Variants in RPL4 observed in about 807,000 individuals in gnomAD.
RPL4 encodes the protein ribosomal protein L4.
Under a neutral mutation model 47.7 loss-of-function variants are expected in RPL4, and 3 were observed. That is an observed-to-expected ratio of 0.06 (90% CI 0.03 to 0.16). RPL4 has a LOEUF of 0.16. Ranked by LOEUF, RPL4 falls within the 10% of genes least tolerant of loss-of-function variation. RPL4 has a pLI of 1.00. For synonymous variants in RPL4, 208 were observed against 182.1 expected (o/e 1.14, Z -1.15); for missense variants, 413 against 551.3 (o/e 0.75, Z 2.51).
Position 66,501,513 on chromosome 15 carries a change from T to C in RPL4, c.547-9A>G. ...CGCTGAGAGGCATAGACCTACAAAGTGAGCAGTTTTAGTATTCTGATTAAG... is the reference window on the plus strand; with the variant it reads ...CGCTGAGAGGCATAGACCTACAAAGCGAGCAGTTTTAGTATTCTGATTAAG... On this transcript the variant is annotated splice_polypyrimidine_tract_variant and intron_variant, in intron 5 of 9. Transcript: ENST00000307961. 1 of 1,613,896 alleles carries C rather than the reference T, an allele frequency of 6.2e-7. No homozygotes were observed. Among genetic ancestry groups the C allele is most frequent in the Non-Finnish European group, 8.5e-7 (1 of 1,179,994 alleles).
chr15:66,498,344 G>C lies in RPL4; in HGVS notation c.*1063C>G, dbSNP rs1435303909. The C allele has an allele frequency of 6.6e-6, 1 of 152,520 alleles. No individual in the cohort carries two copies. Among genetic ancestry groups the C allele is most frequent in the African/African-American group, 2.4e-5 (1 of 41,434 alleles). 9.4% of individuals were successfully genotyped at this position (152,520 alleles called of 1,614,324 possible). Reference sequence around the variant, plus strand: ...GAGATTTGGCCCTGGAAATGGGGAGGGTTAACAGATCACCTTGGCTGTGAA... The same window carrying C: ...GAGATTTGGCCCTGGAAATGGGGAGCGTTAACAGATCACCTTGGCTGTGAA... On this transcript the variant is annotated 3_prime_UTR_variant, in exon 10 of 10. Coordinates refer to ENST00000307961, the MANE Select transcript of RPL4 (RefSeq NM_000968.4).
chr15:66,502,674 T>C lies in RPL4; in HGVS notation c.359A>G (p.Lys120Arg). ...RWHRRVNTTQKRYAICSALAA... is the reference protein window; with the variant it reads ...RWHRRVNTTQRRYAICSALAA... ...CAGGGCAGAACAGATGGCGTATCGT[T>C]TTTGGGTTGTGTTCACTCTACGATG... Residue 120 changes from lysine to arginine, a missense_variant, in exon 4 of 10, where the codon AAA becomes AGA. By Grantham distance (26) the Lys-to-Arg change is conservative (BLOSUM62 2). Transcript: ENST00000307961. The C allele has an allele frequency of 6.2e-7, 1 of 1,613,758 alleles. No homozygotes were observed. The highest frequency in any genetic ancestry group is 8.5e-7 in the Non-Finnish European group (1 of 1,179,876).
rs1893518660 is a variant in RPL4, at chr15:66,498,327, G to A, written c.*1080C>T. 1 of 152,598 alleles carries A rather than the reference G, an allele frequency of 6.6e-6. No individual in the cohort carries two copies. The highest frequency in any genetic ancestry group is 1.5e-5 in the Non-Finnish European group (1 of 68,296). The allele number at this position is 152,598 out of a possible 1,614,324, so 9.5% of individuals were successfully genotyped here. ...CGACGTGCTTAAGAACTGAGATTTG[G>A]CCCTGGAAATGGGGAGGGTTAACAG... On this transcript the variant is annotated 3_prime_UTR_variant, in exon 10 of 10. Coordinates refer to ENST00000307961, the MANE Select transcript of RPL4 (RefSeq NM_000968.4).
chr15:66,502,410 A>G, intron 4 of RPL4: 3 of 594,728 alleles, frequency 5.0e-6, no homozygotes, highest in Middle Eastern at 4.6e-4. Flanking sequence ...AGTACATTTG[A>G]TAACTGAATG....
At chr15:66,500,741 C>T (rs1347865705) in intron 7 of RPL4, 8 of 620,594 alleles carry the variant, frequency 1.3e-5, no homozygotes, top group Non-Finnish European at 2.2e-5. Flanking sequence ...ACGATCACAC[C>T]ACTACACTCC....
At chr15:66,502,243 G>A (rs1194941912) in intron 4 of RPL4, 2 of 392,416 alleles carry the variant, frequency 5.1e-6, no homozygotes, top group Non-Finnish European at 9.3e-6. Context: ...CTAGTATTTA[G>A]TAAAGGATTA....
rs1354032649 is a variant in RPL4, at chr15:66,498,854, A to G, written c.*553T>C. ...GTGCTCTGCCCACCTTAGGGTCCCA[A>G]AGTGTTGGGATTACAGATGTGGGCC... is the stretch of plus-strand genomic sequence containing the variant. On this transcript the variant is annotated 3_prime_UTR_variant, in exon 10 of 10. Coordinates refer to ENST00000307961, the MANE Select transcript of RPL4 (RefSeq NM_000968.4). 1.9e-5 allele frequency: 3 copies of G among 153,976 alleles called. No homozygotes were observed. The highest frequency in any genetic ancestry group is 1.3e-4 in the Admixed American group (2 of 15,464). 9.5% of individuals were successfully genotyped at this position (153,976 alleles called of 1,614,324 possible). A position where few individuals can be genotyped will look rare whatever the true frequency, so the allele number is the denominator to read the frequency against.
At chr15:66,502,983 A>G in intron 3 of RPL4, 75 bp downstream of exon 3, 2 of 1,411,140 alleles carry the variant, frequency 1.4e-6, no homozygotes, top group South Asian at 2.3e-5. Flanking sequence ...ACACCGTATT[A>G]TCATCAATAA....
chr15:66,501,139 A>G (rs1462875983), intron 6 of RPL4, 34 bp from the exon 7 acceptor site: 1 of 1,606,732 alleles, frequency 6.2e-7, no homozygotes. Flanking sequence ...GGGAGCCTGT[A>G]TTCCAACAAA....
In RPL4 at chr15:66,498,750, G is replaced by A. The variant is rs971567157; in HGVS notation, c.*657C>T. On this transcript the variant is annotated 3_prime_UTR_variant, in exon 10 of 10. Coordinates refer to ENST00000307961, the MANE Select transcript of RPL4 (RefSeq NM_000968.4). ...AGCTGGGGTTACAGGCATGCACCATGACTGGCTATTTTTTATATTTTCAGT... is the reference window on the plus strand; with the variant it reads ...AGCTGGGGTTACAGGCATGCACCATAACTGGCTATTTTTTATATTTTCAGT... The A allele has an allele frequency of 6.6e-6, 1 of 152,390 alleles. No homozygotes were observed. The highest frequency in any genetic ancestry group is 1.5e-5 in the Non-Finnish European group (1 of 68,240). 9.4% of individuals were successfully genotyped at this position (152,390 alleles called of 1,614,324 possible).
At chr15:66,503,034 C>A in intron 3 of RPL4, 24 bp downstream of exon 3, 4 of 1,599,622 alleles carry the variant, frequency 2.5e-6, no homozygotes, top group Non-Finnish European at 3.4e-6. Flanking sequence ...GATGACCAGT[C>A]TTAGGTAGTG....
rs185971920 is a variant in RPL4 at position 66,504,852 on chromosome 15, G to T, written c.-62C>A. The T allele has an allele frequency of 6.1e-5, 98 of 1,600,232 alleles. No individual in the cohort carries two copies. The African/African-American group carries it at 8.7e-4, about 14-fold the overall frequency. On this transcript the variant is annotated 5_prime_UTR_variant, in exon 1 of 10. Coordinates refer to ENST00000307961, the MANE Select transcript of RPL4 (RefSeq NM_000968.4). ...GGCTGCTGCCACAGGAAAAGGAAGTGCTTACCACTCCCGCTGTATATGTCA... is the reference window on the plus strand; with the variant it reads ...GGCTGCTGCCACAGGAAAAGGAAGTTCTTACCACTCCCGCTGTATATGTCA...
chr15:66,502,443 C>A (rs114665352), intron 4 of RPL4, 169 bp downstream of exon 4: 12 of 694,928 alleles, frequency 1.7e-5, no homozygotes, highest in Non-Finnish European at 2.4e-5. Context: ...AAGATCAAAT[C>A]AGTGTAACTG....
intron 1 of RPL4, 38 bp downstream of exon 1, chr15:66,504,750 G>C (rs1182174300): frequency 4.3e-6 from 7 of 1,610,270 alleles, no homozygotes; most frequent in Non-Finnish European, 5.9e-6. Flanking sequence ...CTGGCCCCGA[G>C]ATACGGGGTA....
intron 1 of RPL4, among the ~76,000 whole-genome samples, chr15:66,504,125 C>T (rs1174131021): frequency 1.3e-5 from 2 of 152,196 alleles, no homozygotes; most frequent in Non-Finnish European, 2.9e-5. Context: ...CTCTAAAGCT[C>T]CTCTTTGCCA....
chr15:66,500,124 T>C lies in RPL4; in HGVS notation c.970A>G (p.Ile324Val), dbSNP rs1041178422. The change falls in exon 9 of 10, where the codon ATC becomes GTC. Residue 324 changes from isoleucine (I) to valine (V), a missense_variant. Coordinates refer to ENST00000307961, the MANE Select transcript of RPL4 (RefSeq NM_000968.4). ...GCATATGGGTTTAGCTTCAACATGA[T>C]TCTCAAGTTTTTCAGTGGGTTCTTC... ...LKKNPLKNLR[I>V]MLKLNPYAKT... is the part of the protein sequence containing the mutation. 2 of 1,613,228 alleles carry C rather than the reference T, an allele frequency of 1.2e-6. No individual in the cohort carries two copies. The highest frequency in any genetic ancestry group is 2.2e-5 in the East Asian group (1 of 44,894).
chr15:66,503,288 C>T (rs780164827), intron 2 of RPL4, 70 bp downstream of exon 2: 2 of 1,596,528 alleles, frequency 1.3e-6, no homozygotes, highest in Non-Finnish European at 1.7e-6. Flanking sequence ...AAACACGGAC[C>T]AATGAAGTGG....
In RPL4 at chr15:66,499,235, T is replaced by C. The variant is rs765313143; in HGVS notation, c.*172A>G. ...ATGCCCCATTTTATACCACACTATA[T>C]AAAATGTAACAGTCTAAATTATGGC... is the stretch of plus-strand genomic sequence containing the variant. On this transcript the variant is annotated 3_prime_UTR_variant, in exon 10 of 10. Transcript: ENST00000307961. 133 of 736,240 alleles carry C rather than the reference T, an allele frequency of 1.8e-4. No individual in the cohort carries two copies. Among genetic ancestry groups the C allele is most frequent in the Middle Eastern group, 4.0e-4 (1 of 2,522 alleles). The allele number at this position is 736,240 out of a possible 1,614,324, so 45.6% of individuals were successfully genotyped here.
chr15:66,500,549 T>C (rs1017608924), intron 7 of RPL4, 173 bp from the exon 8 acceptor site: 8 of 635,024 alleles, frequency 1.3e-5, no homozygotes, highest in African/African-American at 1.1e-4. Flanking sequence ...ATCCCAGCAC[T>C]TGGGGAGGCC....
Sources: gnomAD v4.1 joint callset for allele counts (sites outside exome capture counted in the v4.1 genomes callset) on GRCh38, gnomAD v4.1.1 for gene constraint, MANE v1.5 for transcripts, NCBI Gene and HGNC (gene_info 2026-07-23, HGNC 2026-07-21) for gene names.